The following SLC22A14 variants were observed in gnomAD, a reference collection of about 807,000 sequenced individuals.
The protein encoded by SLC22A14 is organic cation transporter-like 4.
In SLC22A14, 50 loss-of-function variants were observed where a neutral mutation model predicts 53.9. That is an observed-to-expected ratio of 0.93 (90% CI 0.74 to 1.17). The LOEUF (loss-of-function observed/expected upper bound fraction) is 1.17, where lower values mean the gene tolerates loss of function less well. Among genes scored for constraint, SLC22A14 ranks in the 50% most tolerant of loss-of-function variants. The pLI is 0.00. For missense variants in SLC22A14, 671 were observed against 734.7 expected (o/e 0.91, Z 1.00); for synonymous variants, 312 against 303.0 (o/e 1.03, Z -0.31).
At position 38,306,176 on chromosome 3, in the gene SLC22A14, C is replaced by T; in HGVS notation, c.150C>T (p.Asp50=). Residue 50 remains aspartate, a synonymous_variant, in exon 2 of 11, where the codon GAC becomes GAT. Coordinates refer to ENST00000448498, the MANE Select transcript of SLC22A14 (RefSeq NM_001320033.2). Reference sequence around the variant, plus strand: ...GGGCTGTCCACACCAAGCAGGATGACAAGTTTGCCAACCTCCTGGATGCGG... The same window carrying T: ...GGGCTGTCCACACCAAGCAGGATGATAAGTTTGCCAACCTCCTGGATGCGG... ...RLRAVHTKQD[D]KFANLLDAVG... is the part of the protein sequence containing the mutation. 1.2e-6 allele frequency: 2 copies of T among 1,614,196 alleles called. No individual in the cohort carries two copies. Among genetic ancestry groups the T allele is most frequent in the Non-Finnish European group, 1.7e-6 (2 of 1,180,034 alleles).
intron 1 of SLC22A14, among the ~76,000 whole-genome samples, chr3:38,298,007 G>A (rs569827749): frequency 1.6e-4 from 24 of 152,024 alleles, no homozygotes; most frequent in Non-Finnish European, 3.1e-4. Flanking sequence ...TTATTACTGC[G>A]GGATTCTACA....
At chr3:38,296,894 C>G (rs547672747) in intron 1 of SLC22A14, among the ~76,000 whole-genome samples, 1 of 152,150 alleles carries the variant, frequency 6.6e-6, no homozygotes, top group African/African-American at 2.4e-5. Flanking sequence ...CTGCCAGATT[C>G]GGAGGGGTGG....
At chr3:38,306,791 C>T (rs111828383) in intron 2 of SLC22A14, among the ~76,000 whole-genome samples, 1 of 152,192 alleles carries the variant, frequency 6.6e-6, no homozygotes. Flanking sequence ...TCCAAGAAAT[C>T]GCTCCTGTAG....
At chr3:38,317,941 A>G (rs573938332) in intron 10 of SLC22A14, among the ~76,000 whole-genome samples, 1 of 152,322 alleles carries the variant, frequency 6.6e-6, no homozygotes, top group South Asian at 2.1e-4. Flanking sequence ...GCATGTGGCA[A>G]GTGCTCAGTA....
intron 1 of SLC22A14, among the ~76,000 whole-genome samples, chr3:38,299,701 T>A (rs767867468): frequency 2.4e-4 from 36 of 152,328 alleles, no homozygotes; most frequent in Middle Eastern, 3.4e-3. Context: ...TAGCTGGGAC[T>A]AACAGCATGC....
intron 1 of SLC22A14, among the ~76,000 whole-genome samples, chr3:38,291,442 C>G (rs1703911788): frequency 6.6e-6 from 1 of 152,188 alleles, no homozygotes; most frequent in African/African-American, 2.4e-5. Context: ...GATATTTAAG[C>G]AAAAAGTTGT....
rs9813859 is a variant in SLC22A14 at position 38,289,468 on chromosome 3, G to A, written c.-1+7129G>A. Reference sequence around the variant, plus strand: ...AGAGCTCCCAAGATGGTGGCGGGCTGCTTCCAAGATGGCAGCAAGCCTCTT... The same window carrying A: ...AGAGCTCCCAAGATGGTGGCGGGCTACTTCCAAGATGGCAGCAAGCCTCTT... On this transcript the variant is annotated intron_variant, in intron 1 of 10. Transcript: ENST00000448498. Among the ~76,000 whole-genome samples the A allele has an allele frequency of 6.4e-3, 975 of 152,272 alleles. 10 individuals are homozygous for A. Among genetic ancestry groups the A allele is most frequent in the African/African-American group, 0.023 (939 of 41,544 alleles).
Position 38,307,611 on chromosome 3 carries a change from C to T in SLC22A14, c.666C>T (p.Ile222=), listed in dbSNP as rs367799030. Residue 222 remains isoleucine (I), a synonymous_variant, in exon 4 of 11, where the codon ATC becomes ATT. Coordinates refer to ENST00000448498, the MANE Select transcript of SLC22A14 (RefSeq NM_001320033.2). This position sits in a 1 kb window ranked among gnomAD's most constrained non-coding sequence, Gnocchi z 4.4. ...TCCTGCTGTCACTGCTGGGGCTGAT[C>T]ATCTTCGGCTTTGGGACAGCCTTCA... ...PAILLSLLGL[I]IFGFGTAFMN... 20 of 1,614,108 alleles carry T rather than the reference C, an allele frequency of 1.2e-5. No individual in the cohort carries two copies. The highest frequency in any genetic ancestry group is 3.3e-5 in the Admixed American group (2 of 60,018).
intron 1 of SLC22A14, among the ~76,000 whole-genome samples, chr3:38,289,171 C>CT (rs1419720067): frequency 1.9e-5 from 2 of 107,406 alleles, no homozygotes; most frequent in East Asian, 6.6e-4. Context: ...GAGTGTGACT[C>CT]TATCTCTACA....
rs1035013809 is a variant in SLC22A14, at chr3:38,307,301, C to A, written c.564C>A (p.Ile188=). Residue 188 remains isoleucine, a synonymous_variant, in exon 3 of 11, where the codon ATC becomes ATA. Transcript: ENST00000448498. This position sits in a 1 kb window ranked among gnomAD's most constrained non-coding sequence, Gnocchi z 4.4. ...GMETKKDTAQ[I]MFMAGLPIGS... ...AGACGAAGAAGGACACTGCACAGAT[C>A]ATGTTCATGGCAGGGCTCCCGATAG... 6.2e-7 allele frequency: 1 copy of A among 1,614,140 alleles called. No individual in the cohort carries two copies. The highest frequency in any genetic ancestry group is 8.5e-7 in the Non-Finnish European group (1 of 1,179,966).
In SLC22A14 at chr3:38,307,665, T is replaced by A; in HGVS notation, c.720T>A (p.Phe240Leu). 1 of 1,614,254 alleles carries A rather than the reference T, an allele frequency of 6.2e-7. No individual in the cohort carries two copies. Among genetic ancestry groups the A allele is most frequent in the Non-Finnish European group, 8.5e-7 (1 of 1,180,044 alleles). ...ACAGCTTTCACCTGTATTTGTTCTT[T>A]CGCTTTGGCATCTCGCAGTCAGTGG... ...FMNSFHLYLF[F>L]RFGISQSVVG... The change falls in exon 4 of 11, where the codon TTT becomes TTA. Residue 240 changes from phenylalanine to leucine, a missense_variant. Physicochemically the swap from Phe to Leu is conservative, Grantham distance 22. Transcript: ENST00000448498. This position sits in a 1 kb window ranked among gnomAD's most constrained non-coding sequence, Gnocchi z 4.4.
chr3:38,289,179 A>C (rs1575402060), intron 1 of SLC22A14, among the ~76,000 whole-genome samples: 2 of 130,468 alleles, frequency 1.5e-5, no homozygotes, highest in South Asian at 5.2e-4. Flanking sequence ...CTCTATCTCT[A>C]CAAAAAAAAA....
upstream of SLC22A14, among the ~76,000 whole-genome samples, chr3:38,281,316 T>G (rs1311561571): frequency 6.6e-6 from 1 of 152,236 alleles, no homozygotes; most frequent in Non-Finnish European, 1.5e-5. Context: ...AATTTTTTTT[T>G]GTGTCTTAAG....
Position 38,306,431 on chromosome 3 carries a change from T to G in SLC22A14, c.405T>G (p.Leu135=), listed in dbSNP as rs746526818. The G allele has an allele frequency of 9.3e-6, 15 of 1,614,084 alleles. No individual in the cohort carries two copies. In the Admixed American group the frequency reaches 2.5e-4, roughly 27 times the overall value. The change falls in exon 2 of 11, where the codon CTT becomes CTG. Residue 135 remains leucine (L), a synonymous_variant. Transcript: ENST00000448498. ...NGSFLTCFMY[L]PVPWNLDSII... is the part of the protein sequence containing the mutation. Reference sequence around the variant, plus strand: ...GTTTCCTGACATGCTTCATGTACCTTCCTGTGCCTTGGAATCTGGATTCTA... The same window carrying G: ...GTTTCCTGACATGCTTCATGTACCTGCCTGTGCCTTGGAATCTGGATTCTA...
rs560809541 is a variant in SLC22A14 at position 38,283,776 on chromosome 3, G to A, written c.-1+1437G>A. 1.3e-4 allele frequency among the ~76,000 whole-genome samples: 20 copies of A among 150,194 alleles called. No homozygotes were observed. The South Asian group carries it at 2.3e-3, about 18-fold the overall frequency. ...ACCCAGGAAGCAGAGGGTGCAGTAA[G>A]CCGAGATCACACCACTACATTCCAG... On this transcript the variant is annotated intron_variant, in intron 1 of 10. Coordinates refer to ENST00000448498, the MANE Select transcript of SLC22A14 (RefSeq NM_001320033.2).
upstream of SLC22A14, among the ~76,000 whole-genome samples, chr3:38,280,058 G>A (rs992831550): frequency 6.6e-6 from 1 of 152,190 alleles, no homozygotes; most frequent in Non-Finnish European, 1.5e-5. Flanking sequence ...CCTGCTTGCT[G>A]ACATCACAGC....
Position 38,313,913 on chromosome 3 carries a change from G to A in SLC22A14, c.1350G>A (p.Trp450Ter). 2 of 1,613,920 alleles carry A rather than the reference G, an allele frequency of 1.2e-6. No individual in the cohort carries two copies. The highest frequency in any genetic ancestry group is 1.7e-6 in the Non-Finnish European group (2 of 1,179,970). ...LAVTLLQAII[W>*]CLLLLFLPEG... ...TGACTCTCCTCCAAGCCATCATCTG[G>A]TGCTTGCTTCTCCTTTTCCTCCCTG... Residue 450 changes from tryptophan (W) to a stop codon, truncating the protein, a stop_gained, in exon 8 of 11, where the codon TGG (tryptophan) becomes TGA (stop). Transcript: ENST00000448498. LOFTEE classifies it high-confidence loss of function.
chr3:38,313,348 G>A (rs72867262), intron 6 of SLC22A14, 40 bp from the exon 7 acceptor site: 1 of 1,520,062 alleles, frequency 6.6e-7, no homozygotes, highest in Non-Finnish European at 9.1e-7. Context: ...GCAAGCTGGG[G>A]TCTTGGCCCT....
chr3:38,307,669 T>C lies in SLC22A14; in HGVS notation c.724T>C (p.Phe242Leu). Residue 242 changes from phenylalanine (F) to leucine (L), a missense_variant, in exon 4 of 11, where the codon TTT becomes CTT. Coordinates refer to ENST00000448498, the MANE Select transcript of SLC22A14 (RefSeq NM_001320033.2). This position sits in a 1 kb window ranked among gnomAD's most constrained non-coding sequence, Gnocchi z 4.4. ...NSFHLYLFFR[F>L]GISQSVVGYA... The stretch of plus-strand genomic sequence containing the variant: ...CTTTCACCTGTATTTGTTCTTTCGC[T>C]TTGGCATCTCGCAGTCAGTGGTGGG... 1 of 1,614,206 alleles carries C rather than the reference T, an allele frequency of 6.2e-7. No individual in the cohort carries two copies. Among genetic ancestry groups the C allele is most frequent in the East Asian group, 2.2e-5 (1 of 44,880 alleles).
Sources: gnomAD v4.1 joint callset for allele counts (sites outside exome capture counted in the v4.1 genomes callset) on GRCh38, gnomAD v4.1.1 for gene constraint, Gnocchi (gnomAD v3.1) non-coding constraint, MANE v1.5 for transcripts, NCBI Gene and HGNC (gene_info 2026-07-23, HGNC 2026-07-21) for gene names.